SLC1A3: variants seen among roughly 807,000 people sequenced by gnomAD.
The protein encoded by SLC1A3 is excitatory amino acid transporter 1.
A neutral mutation model predicts 48.1 loss-of-function variants in SLC1A3; 21 were observed. The ratio of observed to expected loss-of-function variants is 0.44; its 90% CI spans 0.31 to 0.63. SLC1A3 has a LOEUF of 0.63. SLC1A3 is among the 20% of genes least tolerant of loss of function. The pLI is 0.08. For missense variants in SLC1A3, 546 were observed against 689.0 expected (o/e 0.79, Z 2.32); for synonymous variants, 239 against 251.4 (o/e 0.95, Z 0.47).
chr5:36,641,186 T>C (rs1740604834), intron 3 of SLC1A3, among the ~76,000 whole-genome samples: 1 of 152,210 alleles, frequency 6.6e-6, no homozygotes, highest in Non-Finnish European at 1.5e-5. Flanking sequence ...CTGTGAAATT[T>C]GGGGACAAAA....
In SLC1A3 at chr5:36,679,485, G is replaced by A. The variant is rs1387640774; in HGVS notation, c.861-142G>A. The A allele has an allele frequency of 5.6e-6, 4 of 712,300 alleles. No homozygotes were observed. The East Asian group carries it at 7.8e-5, about 14-fold the overall frequency. 44.1% of individuals were successfully genotyped at this position (712,300 alleles called of 1,614,324 possible). Reference sequence around the variant, plus strand: ...GTTTCTGTAAGAAAAGAAGTCCACAGTTTCTGTAAGTCCTAATGGTATCCT... The same window carrying A: ...GTTTCTGTAAGAAAAGAAGTCCACAATTTCTGTAAGTCCTAATGGTATCCT... On this transcript the variant is annotated intron_variant, in intron 6 of 9. Transcript: ENST00000265113.
intron 2 of SLC1A3, chr5:36,612,606 AT>A (rs56307521): frequency 0.21 from 32,574 of 151,668 alleles, 4,255 homozygotes; most frequent in Non-Finnish European, 0.31. Flanking sequence ...GAAAAAAAAA[AT>A]AATAATAATA....
chr5:36,681,035 T>C (rs1742424162), intron 8 of SLC1A3, among the ~76,000 whole-genome samples: 1 of 152,184 alleles, frequency 6.6e-6, no homozygotes, highest in Non-Finnish European at 1.5e-5. Context: ...GGTATTTTAA[T>C]TGGTTTTTTT....
intron 2 of SLC1A3, chr5:36,608,893 T>A (rs1447158277): frequency 1.8e-6 from 2 of 1,119,706 alleles, no homozygotes; most frequent in Non-Finnish European, 2.2e-6. Flanking sequence ...GAAGTGATCA[T>A]TTAATCATTA....
chr5:36,598,945 A>G lies in SLC1A3; in HGVS notation c.-96+2267A>G, dbSNP rs150041729. ...GCCCAACCAAAATTAATTTCAATAT[A>G]TATTATTTAACTCAATATATCCAAA... On this transcript the variant is annotated intron_variant, in intron 1 of 9. Transcript: ENST00000680318. Among the ~76,000 whole-genome samples the G allele has an allele frequency of 2.5e-3, 376 of 152,324 alleles. 4 individuals are homozygous for G. Among genetic ancestry groups the G allele is most frequent in the African/African-American group, 8.7e-3 (360 of 41,548 alleles).
rs1369065288 is a variant in SLC1A3, at chr5:36,680,513, T to C, written c.1213T>C (p.Tyr405His). 1 of 1,614,080 alleles carries C rather than the reference T, an allele frequency of 6.2e-7. No homozygotes were observed. The highest frequency in any genetic ancestry group is 8.5e-7 in the Non-Finnish European group (1 of 1,180,010). Residue 405 changes from tyrosine to histidine, a missense_variant, in exon 8 of 10, where the codon TAT becomes CAT. Around this residue, in one of 3 missense-constraint regions of SLC1A3, gnomAD observed 142 missense variants for 238.0 expected, o/e 0.60. Coordinates refer to ENST00000265113, the MANE Select transcript of SLC1A3 (RefSeq NM_004172.5). ...CATTAACATGGATGGGACTGCCCTC[T>C]ATGAGGCTTTGGCTGCCATTTTCAT... ...ATINMDGTAL[Y>H]EALAAIFIAQ...
intron 4 of SLC1A3, among the ~76,000 whole-genome samples, chr5:36,672,957 A>G (rs887408768): frequency 6.6e-6 from 1 of 152,184 alleles, no homozygotes; most frequent in African/African-American, 2.4e-5. Context: ...CCTTGTTTGA[A>G]GAATTGGAAT....
At position 36,625,916 on chromosome 5, in the gene SLC1A3, C is replaced by G. The variant is rs117280492; in HGVS notation, c.182-3534C>G. Among the ~76,000 whole-genome samples the G allele has an allele frequency of 2.8e-4, 43 of 152,314 alleles. No homozygotes were observed. The East Asian group carries it at 8.1e-3, about 29-fold the overall frequency. ...CTTCCCAGCAAGACCAGCTTGCTGA[C>G]TATAAGGAGAGACACACACAAAATA... On this transcript the variant is annotated intron_variant, in intron 2 of 9. Coordinates refer to ENST00000265113, the MANE Select transcript of SLC1A3 (RefSeq NM_004172.5).
chr5:36,629,392 C>A (rs1443872834), intron 2 of SLC1A3, 58 bp from the exon 3 acceptor site: 29 of 1,473,200 alleles, frequency 2.0e-5, no homozygotes, highest in Non-Finnish European at 2.5e-5. Flanking sequence ...TAGGGCTGTT[C>A]CTTCTGTTTC....
intron 4 of SLC1A3, among the ~76,000 whole-genome samples, chr5:36,672,296 A>G (rs1353366119): frequency 6.6e-6 from 1 of 152,176 alleles, no homozygotes; most frequent in Non-Finnish European, 1.5e-5. Flanking sequence ...GCCAGAGGGC[A>G]AGAGAACCCA....
intron 2 of SLC1A3, chr5:36,613,484 C>T (rs1292802433): frequency 6.6e-6 from 1 of 152,288 alleles, no homozygotes; most frequent in Admixed American, 6.5e-5. Context: ...ACTGAACTGA[C>T]CTGGTAGTGG....
intron 3 of SLC1A3, among the ~76,000 whole-genome samples, chr5:36,657,909 ATTTG>A (rs1165548858): frequency 6.6e-6 from 1 of 152,206 alleles, no homozygotes; most frequent in African/African-American, 2.4e-5. Flanking sequence ...ATTGGGAATA[ATTTG>A]TTTGGTTCTG....
chr5:36,598,836 C>G (rs1738773120), intron 1 of SLC1A3, among the ~76,000 whole-genome samples: 1 of 152,092 alleles, frequency 6.6e-6, no homozygotes, highest in African/African-American at 2.4e-5. Context: ...CCTTGTTGCC[C>G]TGGCTGATCT....
At chr5:36,676,745 A>C in intron 5 of SLC1A3, 147 bp from the exon 6 acceptor site, 1 of 643,944 alleles carries the variant, frequency 1.6e-6, no homozygotes, top group Non-Finnish European at 2.6e-6. Context: ...CCACAGATTA[A>C]AGAGAGAGAG....
intron 3 of SLC1A3, chr5:36,636,480 T>TTTCTTTCTTTCTTTCTTTCTTTCTTTC (rs1740374775): frequency 4.5e-5 from 6 of 132,380 alleles, no homozygotes. Context: ...TCTTTCTTTC[T>TTTCTTTCTTTCTTTCTTTCTTTCTTTC]TTCTTTCTTT....
At chr5:36,604,375 C>T (rs181168596), upstream of SLC1A3, among the ~76,000 whole-genome samples, 2 of 151,886 alleles carry the variant, frequency 1.3e-5, no homozygotes, top group African/African-American at 4.8e-5. Flanking sequence ...AGGGACTTAA[C>T]TATAAAGTAG....
At chr5:36,611,346 GT>G (rs34107449) in intron 2 of SLC1A3, among the ~76,000 whole-genome samples, 3,206 of 135,176 alleles carry the variant, frequency 0.024, 37 homozygotes, top group African/African-American at 0.032. Context: ...TGTTTAGACT[GT>G]TTTTTTTTTT....
At chr5:36,602,323 A>G (rs1267624695), upstream of SLC1A3, among the ~76,000 whole-genome samples, 2 of 152,222 alleles carry the variant, frequency 1.3e-5, no homozygotes, top group Admixed American at 1.3e-4. Flanking sequence ...CTGGGTCTAC[A>G]GGACCAGTAA....
chr5:36,620,270 C>A (rs1395457886), intron 2 of SLC1A3, among the ~76,000 whole-genome samples: 1 of 152,194 alleles, frequency 6.6e-6, no homozygotes, highest in Non-Finnish European at 1.5e-5. Flanking sequence ...AGGCCCAGAA[C>A]TGTCTTTCTA....
Sources: allele counts gnomAD v4.1 joint callset (sites outside exome capture counted in the v4.1 genomes callset), GRCh38; gene constraint gnomAD v4.1.1; regional missense constraint gnomAD v4.1.1; transcripts MANE v1.5; gene names NCBI Gene and HGNC (gene_info 2026-07-23, HGNC 2026-07-21).